Variants in ASPH observed in about 807,000 individuals in gnomAD.
ASPH encodes the protein aspartate beta-hydroxylase.
ASPH carries 100 observed loss-of-function variants against 118.4 expected under a neutral mutation model. That is an observed-to-expected ratio of 0.84 (90% CI 0.72 to 1.00). ASPH has a LOEUF of 1.00. ASPH is among the 50% of genes least tolerant of loss of function. ASPH has a pLI of 0.00. For synonymous variants in ASPH, 315 were observed against 325.6 expected (o/e 0.97, Z 0.35); for missense variants, 920 against 919.5 (o/e 1.00, Z -0.01).
rs1279169368 is a variant in ASPH at position 61,681,032 on chromosome 8, T to C, written c.258A>G (p.Lys86=). ...DLVDYEEVLG[K]LGIYDADGDG... Reference sequence around the variant, plus strand: ...CACCATCAGCATCATAGATTCCTAGTTTTCCTATAATAGGGCAGAAATGAT... The same window carrying C: ...CACCATCAGCATCATAGATTCCTAGCTTTCCTATAATAGGGCAGAAATGAT... Residue 86 remains lysine (K), a synonymous_variant, in exon 3 of 25, where the codon AAA becomes AAG. Transcript: ENST00000379454. The C allele has an allele frequency of 6.3e-7, 1 of 1,596,126 alleles. No homozygotes were observed. Among genetic ancestry groups the C allele is most frequent in the Non-Finnish European group, 8.5e-7 (1 of 1,171,244 alleles).
At chr8:61,638,438 C>A in intron 10 of ASPH, 75 bp from the exon 11 acceptor site, 2 of 1,264,068 alleles carry the variant, frequency 1.6e-6, no homozygotes, top group Admixed American at 2.0e-5. Context: ...GCTTTAAGGG[C>A]AGAGACAATG....
intron 10 of ASPH, 44 bp downstream of exon 10, chr8:61,642,844 T>G: frequency 1.7e-6 from 2 of 1,194,968 alleles, no homozygotes; most frequent in Non-Finnish European, 2.1e-6. Context: ...AAACTCCATC[T>G]CAAAAAAAAA....
intron 18 of ASPH, among the ~76,000 whole-genome samples, chr8:61,560,904 G>C (rs1829575101): frequency 6.6e-6 from 1 of 151,752 alleles, no homozygotes; most frequent in Non-Finnish European, 1.5e-5. Flanking sequence ...CAACACTTCA[G>C]AATGTTTTTT....
chr8:61,579,672 A>C, intron 15 of ASPH: 1 of 1,419,580 alleles, frequency 7.0e-7, no homozygotes, highest in South Asian at 1.1e-5. Context: ...GCCCAAGTGA[A>C]CAGCTGTGGC....
chr8:61,644,032 G>T, intron 7 of ASPH, 31 bp from the exon 8 acceptor site: 1 of 1,509,828 alleles, frequency 6.6e-7, no homozygotes, highest in Non-Finnish European at 9.2e-7. Context: ...AGGAAATTAC[G>T]TCTCAAATAA....
At chr8:61,672,322 T>C (rs185619542) in intron 3 of ASPH, among the ~76,000 whole-genome samples, 105 of 151,562 alleles carry the variant, frequency 6.9e-4, no homozygotes, top group African/African-American at 2.5e-3. Context: ...ATAAGAAAAC[T>C]GAAAGACTAA....
At chr8:61,612,009 A>T (rs928586617) in intron 14 of ASPH, among the ~76,000 whole-genome samples, 5 of 150,588 alleles carry the variant, frequency 3.3e-5, no homozygotes, top group African/African-American at 1.2e-4. Flanking sequence ...AAAAAATAGG[A>T]ATCACCTGAC....
At chr8:61,529,634 T>C (rs759493832) in intron 21 of ASPH, among the ~76,000 whole-genome samples, 26 of 152,156 alleles carry the variant, frequency 1.7e-4, no homozygotes, top group Non-Finnish European at 3.7e-4. Context: ...TAAAGATCAA[T>C]CCTAATTACA....
intron 22 of ASPH, among the ~76,000 whole-genome samples, chr8:61,521,628 A>C (rs1813064592): frequency 6.6e-6 from 1 of 152,240 alleles, no homozygotes; most frequent in Non-Finnish European, 1.5e-5. Flanking sequence ...CCTGAAGAGG[A>C]ATGCCCAGCA....
chr8:61,505,493 CAAAAA>C (rs59845860), intron 24 of ASPH, among the ~76,000 whole-genome samples: 25 of 110,520 alleles, frequency 2.3e-4, no homozygotes, highest in East Asian at 2.3e-4. Context: ...GACTCCATCT[CAAAAA>C]AAAAAAAAAA....
chr8:61,677,538 T>A (rs1052139885), intron 3 of ASPH, among the ~76,000 whole-genome samples: 2 of 152,170 alleles, frequency 1.3e-5, no homozygotes, highest in African/African-American at 4.8e-5. Flanking sequence ...AATTTAAAAG[T>A]TTTAAAGATT....
intron 18 of ASPH, among the ~76,000 whole-genome samples, chr8:61,557,749 T>A (rs1828397576): frequency 6.6e-6 from 1 of 152,222 alleles, no homozygotes; most frequent in South Asian, 2.1e-4. Flanking sequence ...GATGAGTACA[T>A]GCTGGGCTTT....
chr8:61,624,796 A>G (rs1359196038), intron 13 of ASPH: 1 of 985,684 alleles, frequency 1.0e-6, no homozygotes, highest in Admixed American at 6.1e-5. Flanking sequence ...CTAAAAAAAT[A>G]TGGCTTTATA....
intron 13 of ASPH, among the ~76,000 whole-genome samples, chr8:61,632,511 G>A (rs1264898538): frequency 2.6e-5 from 4 of 152,126 alleles, no homozygotes; most frequent in Admixed American, 2.6e-4. Context: ...CCAGCAGAAG[G>A]ACATAAATAT....
chr8:61,708,430 C>T (rs1214401631), intron 1 of ASPH, among the ~76,000 whole-genome samples: 4 of 152,046 alleles, frequency 2.6e-5, no homozygotes, highest in African/African-American at 9.7e-5. Context: ...AATTAAGTGT[C>T]CTAAATAAAA....
At chr8:61,713,120 G>A (rs28396306) in intron 1 of ASPH, among the ~76,000 whole-genome samples, 104,891 of 152,154 alleles carry the variant, frequency 0.69, 36,336 homozygotes, top group East Asian at 0.75. Flanking sequence ...ACTTCAAACT[G>A]TGTCTACATC....
chr8:61,641,814 C>T (rs187978434), intron 10 of ASPH, among the ~76,000 whole-genome samples: 5 of 152,286 alleles, frequency 3.3e-5, no homozygotes. Flanking sequence ...ATAGAAAGTC[C>T]TCCATATCCA....
intron 1 of ASPH, among the ~76,000 whole-genome samples, chr8:61,692,634 T>C (rs567960130): frequency 1.3e-5 from 2 of 152,166 alleles, no homozygotes; most frequent in African/African-American, 2.4e-5. Context: ...GAGTCAGCAC[T>C]GAATACTTCC....
intron 3 of ASPH, chr8:61,661,838 C>T (rs1233254770): frequency 2.5e-6 from 1 of 398,154 alleles, no homozygotes; most frequent in East Asian, 3.6e-5. Flanking sequence ...TGGATTAATT[C>T]AAGTGTTCAT....
Sources: gnomAD v4.1 joint callset for allele counts (sites outside exome capture counted in the v4.1 genomes callset) on GRCh38, gnomAD v4.1.1 for gene constraint, MANE v1.5 for transcripts, NCBI Gene and HGNC (gene_info 2026-07-23, HGNC 2026-07-21) for gene names.